The following ZNF8 variants were observed in gnomAD, a reference collection of about 807,000 sequenced individuals.
ZNF8 encodes the protein zinc finger protein 272.
Under a neutral mutation model 12.2 loss-of-function variants are expected in ZNF8, and 9 were observed. The observed-to-expected ratio is 0.73, with a 90% confidence interval of 0.44 to 1.28. The LOEUF is 1.28. ZNF8 is among the 50% of genes most tolerant of loss of function. ZNF8 has a pLI of 0.00. For synonymous variants in ZNF8, 274 were observed against 282.3 expected, an observed-to-expected ratio of 0.97 and a Z score of 0.30; for missense variants, 664 against 729.1, an observed-to-expected ratio of 0.91 and a Z score of 1.03.
intron 3 of ZNF8, among the ~76,000 whole-genome samples, chr19:58,288,845 C>T (rs968248774): frequency 6.6e-6 from 1 of 152,170 alleles, no homozygotes; most frequent in Non-Finnish European, 1.5e-5. Flanking sequence ...CCCTGTTTTC[C>T]TGCCCCTTTC....
In ZNF8 at chr19:58,285,970, C is replaced by T. The variant is rs867663463; in HGVS notation, c.193+127C>T. On this transcript the variant is annotated intron_variant, in intron 2 of 3. Transcript: ENST00000621650. The stretch of plus-strand genomic sequence containing the variant: ...GGAGTGCATGAAGAGGGAGGTCTGC[C>T]CTTTTCCATCACCATGCAGAGCTTC... 5.6e-6 allele frequency: 8 copies of T among 1,440,604 alleles called. No homozygotes were observed. In the Middle Eastern group the frequency reaches 7.4e-4, roughly 134 times the overall value. The allele number at this position is 1,440,604 out of a possible 1,614,324, so 89.2% of individuals were successfully genotyped here.
rs8106692 is a variant in ZNF8 at position 58,297,641 on chromosome 19, G to A, written c.*2105G>A. ...GCCTAGGCTGGTCTCGAACCTTGGC[G>A]TCCCAAAGTGTTGAGATTATAGGCA... On this transcript the variant is annotated 3_prime_UTR_variant, in exon 4 of 4. Coordinates refer to ENST00000621650, the MANE Select transcript of ZNF8 (RefSeq NM_021089.3). 76,901 of 151,914 alleles carry A rather than the reference G, an allele frequency of 0.51. 20,342 individuals are homozygous for A. Among genetic ancestry groups the A allele is most frequent in the Non-Finnish European group, 0.57 (38,791 of 67,962 alleles). 9.4% of individuals were successfully genotyped at this position (151,914 alleles called of 1,614,324 possible).
Position 58,286,196 on chromosome 19 carries a change from T to C in ZNF8, c.280T>C (p.Cys94Arg). 6.3e-7 allele frequency: 1 copy of C among 1,594,930 alleles called. No individual in the cohort carries two copies. The highest frequency in any genetic ancestry group is 2.3e-5 in the East Asian group (1 of 44,390). Residue 94 changes from cysteine (C) to arginine (R), a missense_variant, in exon 3 of 4, where the codon TGC becomes CGC. Transcript: ENST00000621650. ...WVAERGTTQG[C>R]HPAWEPRSES... ...GGCTGAGAGAGGAACCACCCAGGGC[T>C]GCCATCCAGGTGAGAACCCACTATG...
chr19:58,286,250 A>C, intron 3 of ZNF8, 45 bp downstream of exon 3: 1 of 1,553,750 alleles, frequency 6.4e-7, no homozygotes, highest in East Asian at 2.3e-5. Flanking sequence ...GCAGCCTAGC[A>C]GGTCACTGGA....
Position 58,279,047 on chromosome 19 carries a change from C to T in ZNF8, c.-35C>T. ...TGGAGTGCCTCTCTGGTCTGGGGATCACCTCAGGCGCTGTCCTTCACTGGG... is the reference window on the plus strand; with the variant it reads ...TGGAGTGCCTCTCTGGTCTGGGGATTACCTCAGGCGCTGTCCTTCACTGGG... On this transcript the variant is annotated 5_prime_UTR_variant, in exon 1 of 4. Transcript: ENST00000621650. 3 of 1,399,056 alleles carry T rather than the reference C, an allele frequency of 2.1e-6. No homozygotes were observed. The highest frequency in any genetic ancestry group is 1.5e-5 in the African/African-American group (1 of 67,948). 86.7% of individuals were successfully genotyped at this position (1,399,056 alleles called of 1,614,324 possible).
In ZNF8 at chr19:58,297,786, C is replaced by T; in HGVS notation, c.*2250C>T. 6.6e-6 allele frequency: 1 copy of T among 152,194 alleles called. No individual in the cohort carries two copies. The highest frequency in any genetic ancestry group is 1.9e-4 in the East Asian group (1 of 5,204). 9.4% of individuals were successfully genotyped at this position (152,194 alleles called of 1,614,324 possible). ...TCCCATCTACCTCCCCACCATTCTCCTTCCCTGGATATATATATAACCATG... is the reference window on the plus strand; with the variant it reads ...TCCCATCTACCTCCCCACCATTCTCTTTCCCTGGATATATATATAACCATG... On this transcript the variant is annotated 3_prime_UTR_variant, in exon 4 of 4. Transcript: ENST00000621650.
At position 58,295,014 on chromosome 19, in the gene ZNF8, C is replaced by T. The variant is rs766640575; in HGVS notation, c.1206C>T (p.Cys402=). 112 of 1,613,942 alleles carry T rather than the reference C, an allele frequency of 6.9e-5. No homozygotes were observed. The highest frequency in any genetic ancestry group is 5.5e-4 in the Admixed American group (33 of 59,996). The change falls in exon 4 of 4, where the codon TGC becomes TGT. Residue 402 remains cysteine, a synonymous_variant. Transcript: ENST00000621650. ...TEERPYECNH[C]GKGFRHSSSL... is the part of the protein sequence containing the mutation. ...AGAGGCCCTACGAGTGTAACCACTG[C>T]GGGAAGGGCTTCAGGCACAGCTCAT...
At chr19:58,292,472 C>G (rs893350370) in intron 3 of ZNF8, among the ~76,000 whole-genome samples, 2 of 152,158 alleles carry the variant, frequency 1.3e-5, no homozygotes, top group Non-Finnish European at 2.9e-5. Flanking sequence ...GCCCCACCCT[C>G]GTGACCTAAT....
intron 1 of ZNF8, chr19:58,279,556 A>G (rs1432862498): frequency 2.6e-6 from 4 of 1,524,106 alleles, no homozygotes; most frequent in Non-Finnish European, 3.5e-6. Flanking sequence ...TCGAATAGAG[A>G]TGCTTTAACG....
At position 58,285,717 on chromosome 19, in the gene ZNF8, G is replaced by A. The variant is rs138061310; in HGVS notation, c.67G>A (p.Glu23Lys). The change falls in exon 2 of 4, where the codon GAA (glutamate) becomes AAA (lysine). Residue 23 changes from glutamate (E) to lysine (K), a missense_variant and splice_region_variant. By Grantham distance (56) the Glu-to-Lys change is moderately conservative (BLOSUM62 1). Coordinates refer to ENST00000621650, the MANE Select transcript of ZNF8 (RefSeq NM_021089.3). ...ATTGAGAATGTGTGTGATGTTTCAG[G>A]AACCAGTGACCTTCCGGGATGTGGC... ...SVGPPAARLQ[E>K]PVTFRDVAVD... 2 of 1,614,026 alleles carry A rather than the reference G, an allele frequency of 1.2e-6. No individual in the cohort carries two copies. Among genetic ancestry groups the A allele is most frequent in the African/African-American group, 1.3e-5 (1 of 74,900 alleles).
rs201979206 is a variant in ZNF8 at position 58,294,880 on chromosome 19, C to T, written c.1072C>T (p.Arg358Trp). Residue 358 changes from arginine (R) to tryptophan (W), a missense_variant, in exon 4 of 4, where the codon CGG (arginine) becomes TGG (tryptophan). Arg to Trp is a moderately radical substitution (Grantham distance 101, BLOSUM62 -3). This residue lies in a region of ZNF8 where 133 missense variants were observed against 198.4 expected (regional missense o/e 0.67). Transcript: ENST00000621650. This position sits in a 1 kb window ranked among gnomAD's most constrained non-coding sequence, Gnocchi z 5.5. ...CTTCAACCAGAACTCCTCCCTGGGG[C>T]GGCACAAGAGGACACACACTGGGGA... is the stretch of plus-strand genomic sequence containing the variant. Reference protein sequence around the residue: ...RAFNQNSSLGRHKRTHTGEKP... With the variant: ...RAFNQNSSLGWHKRTHTGEKP... 21 of 1,613,966 alleles carry T rather than the reference C, an allele frequency of 1.3e-5. No homozygotes were observed. In the Admixed American group the frequency reaches 1.3e-4, roughly 10 times the overall value.
rs202196557 is a variant in ZNF8 at position 58,294,492 on chromosome 19, C to G, written c.684C>G (p.Pro228=). 2 of 1,614,150 alleles carry G rather than the reference C, an allele frequency of 1.2e-6. No homozygotes were observed. Among genetic ancestry groups the G allele is most frequent in the East Asian group, 2.2e-5 (1 of 44,880 alleles). ...AGACAGGCTCCCCAGGAAAACAGCC[C>G]GGTGAAAACAGTGACTGTCACAGAG... ...SQQTGSPGKQ[P]GENSDCHRDS... Residue 228 remains proline (P), a synonymous_variant, in exon 4 of 4, where the codon CCC becomes CCG. Coordinates refer to ENST00000621650, the MANE Select transcript of ZNF8 (RefSeq NM_021089.3). The surrounding 1 kb of genome is among the most constrained non-coding windows in gnomAD (Gnocchi z 5.5).
chr19:58,281,348 C>T (rs1312165470), intron 1 of ZNF8, among the ~76,000 whole-genome samples: 1 of 152,158 alleles, frequency 6.6e-6, no homozygotes, highest in Non-Finnish European at 1.5e-5. Flanking sequence ...CATCAGAGCA[C>T]AGCCCCACCC....
chr19:58,299,014 T>C lies in ZNF8; in HGVS notation c.*3478T>C, dbSNP rs2147963780. ...TTTGTAGAGATGGGGTTTTACTACA[T>C]TGCCTAGGCCAGTTTCAAACTGGGC... On this transcript the variant is annotated 3_prime_UTR_variant, in exon 4 of 4. Coordinates refer to ENST00000621650, the MANE Select transcript of ZNF8 (RefSeq NM_021089.3). 1 of 152,078 alleles carries C rather than the reference T, an allele frequency of 6.6e-6. No individual in the cohort carries two copies. The highest frequency in any genetic ancestry group is 1.9e-4 in the East Asian group (1 of 5,152). The allele number at this position is 152,078 out of a possible 1,614,324, so 9.4% of individuals were successfully genotyped here. A position where few individuals can be genotyped will look rare whatever the true frequency, so the allele number is the denominator to read the frequency against.
rs2051494976 is a variant in ZNF8, at chr19:58,302,138, CATG to C, written c.*6605_*6607del. On this transcript the variant is annotated 3_prime_UTR_variant, in exon 4 of 4. Transcript: ENST00000621650. Reference sequence around the variant, plus strand: ...CTCATTTCAGTTCACATTTTCTAAGCATGATATTCCTACTGATTTCCTTGTAGA... The same window carrying C: ...CTCATTTCAGTTCACATTTTCTAAGCATATTCCTACTGATTTCCTTGTAGA... 1 of 152,140 alleles carries C rather than the reference CATG, an allele frequency of 6.6e-6. No homozygotes were observed. The highest frequency in any genetic ancestry group is 2.4e-5 in the African/African-American group (1 of 41,432). 9.4% of individuals were successfully genotyped at this position (152,140 alleles called of 1,614,324 possible).
In ZNF8 at chr19:58,279,007, G is replaced by C; in HGVS notation, c.-75G>C. On this transcript the variant is annotated 5_prime_UTR_variant, in exon 1 of 4. Coordinates refer to ENST00000621650, the MANE Select transcript of ZNF8 (RefSeq NM_021089.3). ...CCATTGTCCGGCGTTCGGCGAGTCG[G>C]GTGGTCCCTTTGGCTGGAGTGCCTC... The C allele has an allele frequency of 4.4e-6, 6 of 1,349,246 alleles. No homozygotes were observed. Among genetic ancestry groups the C allele is most frequent in the Non-Finnish European group, 5.8e-6 (6 of 1,042,118 alleles). 83.6% of individuals were successfully genotyped at this position (1,349,246 alleles called of 1,614,324 possible).
chr19:58,285,705 G>T lies in ZNF8; in HGVS notation c.67-12G>T. 1.2e-6 allele frequency: 2 copies of T among 1,614,220 alleles called. No individual in the cohort carries two copies. The highest frequency in any genetic ancestry group is 1.7e-6 in the Non-Finnish European group (2 of 1,180,050). On this transcript the variant is annotated splice_polypyrimidine_tract_variant and intron_variant, in intron 1 of 3. Coordinates refer to ENST00000621650, the MANE Select transcript of ZNF8 (RefSeq NM_021089.3). The stretch of plus-strand genomic sequence containing the variant: ...ATAGTCCAGCTGATTGAGAATGTGT[G>T]TGATGTTTCAGGAACCAGTGACCTT...
In ZNF8 at chr19:58,300,837, G is replaced by A. The variant is rs2051487741; in HGVS notation, c.*5301G>A. On this transcript the variant is annotated 3_prime_UTR_variant, in exon 4 of 4. Transcript: ENST00000621650. ...AGAACCCACTGCAACCACTGTCCAA[G>A]GTACTACCTCTGGTGTCGTCTCTCT... The A allele has an allele frequency of 6.7e-6, 1 of 148,322 alleles. No homozygotes were observed. Among genetic ancestry groups the A allele is most frequent in the South Asian group, 2.1e-4 (1 of 4,834 alleles). 9.2% of individuals were successfully genotyped at this position (148,322 alleles called of 1,614,324 possible).
At chr19:58,292,254 G>A (rs530198105) in intron 3 of ZNF8, among the ~76,000 whole-genome samples, 1 of 151,998 alleles carries the variant, frequency 6.6e-6, no homozygotes, top group Non-Finnish European at 1.5e-5. Context: ...AAATACCACC[G>A]CCTGGGTGTC....
Sources: gnomAD v4.1 joint callset for allele counts (sites outside exome capture counted in the v4.1 genomes callset) on GRCh38, gnomAD v4.1.1 for gene constraint, gnomAD v4.1.1 regional missense constraint, Gnocchi (gnomAD v3.1) non-coding constraint, MANE v1.5 for transcripts, NCBI Gene and HGNC (gene_info 2026-07-23, HGNC 2026-07-21) for gene names.